Variants in PARD3B observed in about 807,000 individuals in gnomAD.
PARD3B encodes the protein partitioning defective 3 homolog B.
A neutral mutation model predicts 130.2 loss-of-function variants in PARD3B; 103 were observed. The ratio of observed to expected loss-of-function variants is 0.79; its 90% CI spans 0.67 to 0.93. The LOEUF (loss-of-function observed/expected upper bound fraction) is 0.93. Among genes scored for constraint, PARD3B ranks in the 40% least tolerant of loss-of-function variants. The pLI is 0.00. For missense variants in PARD3B, 1,609 were observed against 1,499.2 expected (o/e 1.07, Z -1.21); for synonymous variants, 583 against 553.2 (o/e 1.05, Z -0.76).
intron 13 of PARD3B, among the ~76,000 whole-genome samples, chr2:205,178,742 T>C (rs2125768943): frequency 6.6e-6 from 1 of 152,360 alleles, no homozygotes; most frequent in Admixed American, 6.5e-5. Context: ...AAGTACCTTT[T>C]GTTTTTAATG....
At chr2:205,096,540 C>T (rs1359663919) in intron 4 of PARD3B, among the ~76,000 whole-genome samples, 2 of 152,190 alleles carry the variant, frequency 1.3e-5, no homozygotes, top group African/African-American at 4.8e-5. Context: ...TGCATAATCT[C>T]TGTGAAAACA....
chr2:205,143,715 C>G (rs555291339), intron 10 of PARD3B, among the ~76,000 whole-genome samples: 1 of 152,092 alleles, frequency 6.6e-6, no homozygotes, highest in African/African-American at 2.4e-5. Context: ...CTGAACAATC[C>G]CCTTCAAGAA....
chr2:205,054,420 ATATATATATATATATATTTTTTT>A (rs1383061228), intron 4 of PARD3B, among the ~76,000 whole-genome samples: 3 of 18,276 alleles, frequency 1.6e-4, no homozygotes, highest in Non-Finnish European at 3.5e-4. Context: ...ATATATATAT[ATATATATATATATATATTTTTTT>A]TTTTTTTTTT....
intron 19 of PARD3B, among the ~76,000 whole-genome samples, chr2:205,436,830 A>G (rs1455686703): frequency 6.6e-6 from 1 of 152,054 alleles, no homozygotes; most frequent in East Asian, 1.9e-4. Flanking sequence ...TCTGGGTTAT[A>G]TAACTCTGCT....
intron 20 of PARD3B, among the ~76,000 whole-genome samples, chr2:205,486,922 G>T (rs1345238618): frequency 6.6e-6 from 1 of 152,104 alleles, no homozygotes; most frequent in Non-Finnish European, 1.5e-5. Context: ...GCATATGGAC[G>T]TAAAAGGAAT....
At chr2:204,771,180 A>T (rs776816920) in intron 2 of PARD3B, among the ~76,000 whole-genome samples, 1 of 151,462 alleles carries the variant, frequency 6.6e-6, no homozygotes, top group East Asian at 1.9e-4. Context: ...TAATTTATAG[A>T]TTTTTTTTTC....
At chr2:205,157,634 AAATATGT>A in intron 10 of PARD3B, among the ~76,000 whole-genome samples, 1 of 152,272 alleles carries the variant, frequency 6.6e-6, no homozygotes, top group South Asian at 2.1e-4. Context: ...GTAATTTTTT[AAATATGT>A]AATTTTACAT....
chr2:204,796,553 G>C (rs1289252063), intron 2 of PARD3B, among the ~76,000 whole-genome samples: 1 of 152,126 alleles, frequency 6.6e-6, no homozygotes, highest in Non-Finnish European at 1.5e-5. Context: ...GTGAAACTAG[G>C]GTGCCCAGCA....
intron 1 of PARD3B, among the ~76,000 whole-genome samples, chr2:204,600,407 A>G (rs1223431486): frequency 6.6e-6 from 1 of 151,748 alleles, no homozygotes; most frequent in African/African-American, 2.4e-5. Flanking sequence ...TCCTAGCACC[A>G]TTTATTGAAG....
intron 22 of PARD3B, among the ~76,000 whole-genome samples, chr2:205,586,499 C>CT (rs1199979432): frequency 6.6e-6 from 1 of 152,100 alleles, no homozygotes. Context: ...TATTTCGTTC[C>CT]TTATGGTCTG....
intron 15 of PARD3B, among the ~76,000 whole-genome samples, chr2:205,197,027 G>GT (rs1177380927): frequency 1.8e-3 from 22 of 12,320 alleles, no homozygotes; most frequent in African/African-American, 9.0e-3. Context: ...CCACTGTGGG[G>GT]GGGGGGTGTG....
intron 1 of PARD3B, among the ~76,000 whole-genome samples, chr2:204,598,286 A>G (rs1165072671): frequency 3.9e-5 from 6 of 152,286 alleles, no homozygotes; most frequent in African/African-American, 1.4e-4. Flanking sequence ...AAGTTGGAAA[A>G]TTAGAAAATA....
At chr2:204,605,066 A>G (rs2033658572) in intron 1 of PARD3B, among the ~76,000 whole-genome samples, 1 of 152,122 alleles carries the variant, frequency 6.6e-6, no homozygotes, top group Admixed American at 6.6e-5. Context: ...TTTACAAGGT[A>G]ACTCTGGGCT....
intron 2 of PARD3B, among the ~76,000 whole-genome samples, chr2:204,945,212 T>A (rs2125811839): frequency 6.6e-6 from 1 of 152,300 alleles, no homozygotes; most frequent in Admixed American, 6.5e-5. Context: ...ACAGGAAGAA[T>A]CTTCAAACCT....
chr2:204,699,387 A>G (rs754992505), intron 2 of PARD3B, among the ~76,000 whole-genome samples: 10 of 152,130 alleles, frequency 6.6e-5, no homozygotes, highest in Non-Finnish European at 1.0e-4. Flanking sequence ...TGAAATCACA[A>G]TCACTCCTTT....
chr2:204,837,519 C>T (rs2044089851), intron 2 of PARD3B, among the ~76,000 whole-genome samples: 1 of 151,268 alleles, frequency 6.6e-6, no homozygotes, highest in African/African-American at 2.4e-5. Context: ...CTCCCGGGTT[C>T]AAGCAATTCT....
At chr2:205,416,984 G>A (rs938452425) in intron 19 of PARD3B, among the ~76,000 whole-genome samples, 6 of 151,838 alleles carry the variant, frequency 4.0e-5, no homozygotes, top group African/African-American at 1.5e-4. Context: ...CAACGTGCAG[G>A]TTTGTTACAT....
At chr2:205,481,818 G>T (rs564172050) in intron 20 of PARD3B, among the ~76,000 whole-genome samples, 1 of 152,334 alleles carries the variant, frequency 6.6e-6, no homozygotes, top group African/African-American at 2.4e-5. Flanking sequence ...GGGCTCTAAT[G>T]CTGATCATTA....
chr2:204,963,670 A>T (rs1331194944), intron 2 of PARD3B, among the ~76,000 whole-genome samples: 1 of 152,218 alleles, frequency 6.6e-6, no homozygotes, highest in Non-Finnish European at 1.5e-5. Context: ...TTCTGGCTGG[A>T]TGATGAGAAA....
Sources: allele counts gnomAD v4.1 joint callset (sites outside exome capture counted in the v4.1 genomes callset), GRCh38; gene constraint gnomAD v4.1.1; transcripts MANE v1.5; gene names NCBI Gene and HGNC (gene_info 2026-07-23, HGNC 2026-07-21).